The following SMC1B variants were observed in gnomAD, a reference collection of about 807,000 sequenced individuals.
SMC1B encodes structural maintenance of chromosomes 1B.
A neutral mutation model predicts 157.9 loss-of-function variants in SMC1B; 60 were observed. The observed-to-expected ratio is 0.38, with a 90% CI of 0.31 to 0.47. The LOEUF is 0.47. Among genes scored for constraint, SMC1B ranks in the 20% least tolerant of loss-of-function variants. The probability of loss-of-function intolerance (pLI) is 0.99; values close to 1 mark genes in which losing one functional copy is unlikely to be tolerated. For missense variants in SMC1B, 1,165 were observed against 1,426.2 expected (o/e 0.82, Z 2.95); for synonymous variants, 445 against 483.0 (o/e 0.92, Z 1.03).
At chr22:45,367,171 T>C (rs1398500232) in intron 15 of SMC1B, among the ~76,000 whole-genome samples, 1 of 152,208 alleles carries the variant, frequency 6.6e-6, no homozygotes, top group African/African-American at 2.4e-5. Context: ...TTGCTATTGT[T>C]TCTTGTGGAT....
At position 45,402,557 on chromosome 22, in the gene SMC1B, C is replaced by A. The variant is rs770943658; in HGVS notation, c.630G>T (p.Gln210His). The part of the protein sequence containing the change: ...KLEKEEAERY[Q>H]SLLEELKMNK... ...TCATTTTCAGTTCTTCAAGGAGACT[C>A]TGGTAACGTTCTGCCTATAAAAGAG... The change falls in exon 5 of 25, where the codon CAG becomes CAT. Residue 210 changes from glutamine to histidine, a missense_variant. Transcript: ENST00000357450. The A allele has an allele frequency of 4.3e-6, 7 of 1,612,818 alleles. No individual in the cohort carries two copies. The highest frequency in any genetic ancestry group is 5.9e-6 in the Non-Finnish European group (7 of 1,179,274).
intron 21 of SMC1B, among the ~76,000 whole-genome samples, 199 bp from the exon 22 acceptor site, chr22:45,352,801 ACT>A (rs2086627890): frequency 6.6e-6 from 1 of 151,908 alleles, no homozygotes; most frequent in African/African-American, 2.4e-5. Flanking sequence ...GAGGGAAAAC[ACT>A]CTCCTAACAT....
chr22:45,409,154 A>G (rs1407957590), intron 1 of SMC1B, among the ~76,000 whole-genome samples: 1 of 152,234 alleles, frequency 6.6e-6, no homozygotes, highest in Non-Finnish European at 1.5e-5. Flanking sequence ...TTCCATTGTT[A>G]GGTATCACAC....
rs754330325 is a variant in SMC1B at position 45,359,778 on chromosome 22, A to G, written c.2862+27T>C. 1.1e-5 allele frequency: 17 copies of G among 1,605,984 alleles called. No individual in the cohort carries two copies. The Admixed American group carries it at 2.9e-4, about 27-fold the overall frequency. The stretch of plus-strand genomic sequence containing the variant: ...TGCATTAAGTTCCACACAACGGCAC[A>G]TATTTTACAGTCATTTGCTAGAATA... On this transcript the variant is annotated intron_variant, in intron 18 of 24. Coordinates refer to ENST00000357450, the MANE Select transcript of SMC1B (RefSeq NM_148674.5).
Position 45,347,981 on chromosome 22 carries a change from CAGTG to C in SMC1B, c.3495+1743_3495+1746del, listed in dbSNP as rs201059909. ...AGGCCGGTGCTGCCCTTCCCCTGGGCAGTGTCGGGCACTGCCAGGATTTGCCTCC... is the reference window on the plus strand; with the variant it reads ...AGGCCGGTGCTGCCCTTCCCCTGGGCTCGGGCACTGCCAGGATTTGCCTCC... On this transcript the variant is annotated intron_variant, in intron 23 of 24. Coordinates refer to ENST00000357450, the MANE Select transcript of SMC1B (RefSeq NM_148674.5). Among the ~76,000 whole-genome samples, 522 of 152,292 alleles carry C rather than the reference CAGTG, an allele frequency of 3.4e-3. 4 individuals carry two copies. Among genetic ancestry groups the C allele is most frequent in the African/African-American group, 0.012 (495 of 41,564 alleles).
chr22:45,359,847 T>G lies in SMC1B; in HGVS notation c.2820A>C (p.Ile940=). 6.2e-7 allele frequency: 1 copy of G among 1,613,938 alleles called. No homozygotes were observed. Among genetic ancestry groups the G allele is most frequent in the Non-Finnish European group, 8.5e-7 (1 of 1,179,890 alleles). The change falls in exon 18 of 25, where the codon ATA becomes ATC. Residue 940 remains isoleucine (I), a synonymous_variant. Transcript: ENST00000357450. The part of the protein sequence containing the change: ...LLDCKVQDIE[I]ILLSGSLDDI... ...CATCCAGTGACCCCGACAAAAGGAT[T>G]ATCTCAATGTCTTGCACTTTGCAAT...
chr22:45,385,810 A>G (rs1257937377), intron 11 of SMC1B, among the ~76,000 whole-genome samples: 1 of 152,122 alleles, frequency 6.6e-6, no homozygotes, highest in Non-Finnish European at 1.5e-5. Context: ...GAACTCAATG[A>G]CAGTGATCAC....
intron 10 of SMC1B, among the ~76,000 whole-genome samples, chr22:45,388,121 T>C (rs942401676): frequency 2.0e-5 from 3 of 152,110 alleles, no homozygotes; most frequent in African/African-American, 7.2e-5. Flanking sequence ...TCATGACCTT[T>C]AGTTTGGGTT....
intron 7 of SMC1B, among the ~76,000 whole-genome samples, chr22:45,395,031 T>C (rs1233647340): frequency 6.6e-6 from 1 of 152,186 alleles, no homozygotes; most frequent in Non-Finnish European, 1.5e-5. Flanking sequence ...ATATAGTTCT[T>C]ACCCCTTAAC....
chr22:45,355,973 G>A (rs1427011666), intron 19 of SMC1B, among the ~76,000 whole-genome samples: 4 of 152,188 alleles, frequency 2.6e-5, no homozygotes, highest in African/African-American at 9.7e-5. Flanking sequence ...GGGAGGCTGA[G>A]GCAGGACAAT....
At chr22:45,411,629 C>T (rs2087334735) in intron 1 of SMC1B, among the ~76,000 whole-genome samples, 1 of 152,102 alleles carries the variant, frequency 6.6e-6, no homozygotes, top group Non-Finnish European at 1.5e-5. Context: ...TGTTGTTGCC[C>T]AGGCTGGAGT....
At chr22:45,405,182 CAT>C (rs2087244396) in intron 4 of SMC1B, among the ~76,000 whole-genome samples, 1 of 151,944 alleles carries the variant, frequency 6.6e-6, no homozygotes, top group Non-Finnish European at 1.5e-5. Context: ...GTGTTCAACA[CAT>C]AATAAAGGTC....
chr22:45,347,224 T>C (rs1453978272), intron 23 of SMC1B, among the ~76,000 whole-genome samples: 2 of 152,144 alleles, frequency 1.3e-5, no homozygotes, highest in African/African-American at 4.8e-5. Flanking sequence ...TACCATGTCC[T>C]GTTTCCTCCC....
Position 45,371,486 on chromosome 22 carries a change from T to G in SMC1B, c.2298A>C (p.Gln766His). The change falls in exon 14 of 25, where the codon CAA (glutamine) becomes CAC (histidine). Residue 766 changes from glutamine to histidine, a missense_variant. Transcript: ENST00000357450. ...CATTCATGACCTTATCTATCTTTTC[T>G]TGAAATTCTTTAATTCTTCGTTGTC... ...KERQRRIKEF[Q>H]EKIDKVEDDI... 3.1e-6 allele frequency: 5 copies of G among 1,596,718 alleles called. No individual in the cohort carries two copies. Among genetic ancestry groups the G allele is most frequent in the Non-Finnish European group, 4.3e-6 (5 of 1,173,374 alleles).
intron 7 of SMC1B, among the ~76,000 whole-genome samples, chr22:45,395,548 A>G (rs923385942): frequency 6.6e-6 from 1 of 152,206 alleles, no homozygotes; most frequent in Non-Finnish European, 1.5e-5. Context: ...GCGATCTGAC[A>G]AAAGCCCTTA....
chr22:45,362,011 A>C lies in SMC1B; in HGVS notation c.2563-27T>G, dbSNP rs780042037. On this transcript the variant is annotated intron_variant, in intron 16 of 24. Coordinates refer to ENST00000357450, the MANE Select transcript of SMC1B (RefSeq NM_148674.5). ...TGAACAGAGAGGATCTGCATTGTAG[A>C]TTTACTATCTTTTATATTAATAAGG... is the stretch of plus-strand genomic sequence containing the variant. The C allele has an allele frequency of 2.5e-6, 4 of 1,595,020 alleles. No individual in the cohort carries two copies. In the East Asian group the frequency reaches 9.0e-5, roughly 36 times the overall value.
chr22:45,364,964 A>T (rs191763143), intron 15 of SMC1B, among the ~76,000 whole-genome samples: 124 of 151,608 alleles, frequency 8.2e-4, no homozygotes, highest in African/African-American at 2.9e-3. Flanking sequence ...CAGCCTCCCA[A>T]GTAGCTGGGA....
At chr22:45,357,025 G>A (rs2086677111) in intron 19 of SMC1B, among the ~76,000 whole-genome samples, 1 of 152,090 alleles carries the variant, frequency 6.6e-6, no homozygotes, top group Non-Finnish European at 1.5e-5. Context: ...GAGCCACCAC[G>A]CCCGGCCTGA....
intron 7 of SMC1B, 104 bp downstream of exon 7, chr22:45,396,242 A>T (rs1003400952): frequency 9.1e-6 from 8 of 883,490 alleles, no homozygotes; most frequent in Non-Finnish European, 1.3e-5. Flanking sequence ...GAAATGAGAC[A>T]GTATAGTGTA....
Sources: gnomAD v4.1 joint callset for allele counts (sites outside exome capture counted in the v4.1 genomes callset) on GRCh38, gnomAD v4.1.1 for gene constraint, MANE v1.5 for transcripts, NCBI Gene and HGNC (gene_info 2026-07-23, HGNC 2026-07-21) for gene names.